The following COL26A1 variants were observed in gnomAD, a reference collection of about 807,000 sequenced individuals.
COL26A1 encodes collagen type XXVI alpha 1 chain.
Under a neutral mutation model 59.3 loss-of-function variants are expected in COL26A1, and 41 were observed. The observed-to-expected ratio is 0.69, with a 90% confidence interval of 0.54 to 0.90. COL26A1 has a LOEUF of 0.90. COL26A1 is among the 40% of genes least tolerant of loss of function. The pLI, the probability that COL26A1 is intolerant of heterozygous loss-of-function variation, is 0.00. For missense variants in COL26A1, 612 were observed against 602.3 expected, an observed-to-expected ratio of 1.02 and a Z score of -0.17; for synonymous variants, 266 against 256.0, an observed-to-expected ratio of 1.04 and a Z score of -0.37.
intron 2 of COL26A1, among the ~76,000 whole-genome samples, chr7:101,433,767 C>T (rs1438500842): frequency 6.6e-6 from 1 of 152,024 alleles, no homozygotes; most frequent in Non-Finnish European, 1.5e-5. Flanking sequence ...GAGGGAAGGC[C>T]ACAGCAGGGG....
chr7:101,397,414 TTCTTTCTTTTC>T (rs1291491206), intron 1 of COL26A1, among the ~76,000 whole-genome samples: 1 of 151,540 alleles, frequency 6.6e-6, no homozygotes, highest in Non-Finnish European at 1.5e-5. Context: ...CTTTTTTCTC[TTCTTTCTTTTC>T]TCTTTCTTTA....
intron 2 of COL26A1, among the ~76,000 whole-genome samples, chr7:101,428,216 G>A (rs1431549647): frequency 6.6e-6 from 1 of 151,858 alleles, no homozygotes; most frequent in African/African-American, 2.4e-5. Context: ...AATTAGCTGG[G>A]TGTGGTGGTG....
chr7:101,366,243 G>C (rs1392530233), intron 1 of COL26A1, among the ~76,000 whole-genome samples: 1 of 149,430 alleles, frequency 6.7e-6, no homozygotes, highest in Non-Finnish European at 1.5e-5. Flanking sequence ...GAGCTGGCTT[G>C]GGCGTCACAT....
Position 101,545,436 on chromosome 7 carries a change from C to G in COL26A1, c.802C>G (p.Pro268Ala), listed in dbSNP as rs760259386. Residue 268 changes from proline to alanine, a missense_variant, in exon 7 of 13, where the codon CCA becomes GCA. Physicochemically the swap from Pro to Ala is conservative, Grantham distance 27 (BLOSUM62 -1). Coordinates refer to ENST00000313669, the MANE Select transcript of COL26A1 (RefSeq NM_001278563.3). ...CCCAGCAGGCAACCCAGGCCCCTCACCAAACAGCCCCCAGGGCGCCCTCTA... is the reference window on the plus strand; with the variant it reads ...CCCAGCAGGCAACCCAGGCCCCTCAGCAAACAGCCCCCAGGGCGCCCTCTA... ...PGPAGNPGPS[P>A]NSPQGALYSL... is the part of the protein sequence containing the mutation. 30 of 1,608,334 alleles carry G rather than the reference C, an allele frequency of 1.9e-5. No homozygotes were observed. The South Asian group carries it at 3.2e-4, about 17-fold the overall frequency.
intron 3 of COL26A1, among the ~76,000 whole-genome samples, chr7:101,448,987 G>A (rs921276960): frequency 1.3e-5 from 2 of 152,252 alleles, no homozygotes; most frequent in Non-Finnish European, 2.9e-5. Flanking sequence ...TCTGACAATT[G>A]CTTCAGGGGG....
At position 101,555,838 on chromosome 7, in the gene COL26A1, G is replaced by A. The variant is rs1795963023; in HGVS notation, c.1132G>A (p.Val378Ile). The change falls in exon 12 of 13, where the codon GTC becomes ATC. Residue 378 changes from valine (V) to isoleucine (I), a missense_variant. By Grantham distance (29) the Val-to-Ile change is conservative (BLOSUM62 3). Transcript: ENST00000313669. ...REALKILAER[V>I]LILEHMIGIH... ...GGCCCTGAAGATCCTGGCAGAGCGAGTCCTCATCCTGGAGCACATGATTGG... is the reference window on the plus strand; with the variant it reads ...GGCCCTGAAGATCCTGGCAGAGCGAATCCTCATCCTGGAGCACATGATTGG... 2.5e-6 allele frequency: 4 copies of A among 1,611,910 alleles called. No individual in the cohort carries two copies. Among genetic ancestry groups the A allele is most frequent in the Non-Finnish European group, 3.4e-6 (4 of 1,179,310 alleles).
chr7:101,540,538 A>G (rs766655533), intron 5 of COL26A1, among the ~76,000 whole-genome samples: 1 of 61,580 alleles, frequency 1.6e-5, no homozygotes, highest in Non-Finnish European at 3.6e-5. Flanking sequence ...AATTCCGTCT[A>G]AAAAAAAAAA....
At chr7:101,429,562 T>G (rs907288036) in intron 2 of COL26A1, among the ~76,000 whole-genome samples, 1 of 150,704 alleles carries the variant, frequency 6.6e-6, no homozygotes, top group Non-Finnish European at 1.5e-5. Context: ...TCTTCTCACT[T>G]TATTCTTTTT....
Position 101,539,931 on chromosome 7 carries a change from G to T in COL26A1, c.486G>T (p.Pro162=). 1 of 1,613,376 alleles carries T rather than the reference G, an allele frequency of 6.2e-7. No homozygotes were observed. The highest frequency in any genetic ancestry group is 8.5e-7 in the Non-Finnish European group (1 of 1,179,734). Reference sequence around the variant, plus strand: ...AAGCAGCAGAACGGCCCTCCAGCCCGGACAACGACCTGCCAGCCCCCGAGA... The same window carrying T: ...AAGCAGCAGAACGGCCCTCCAGCCCTGACAACGACCTGCCAGCCCCCGAGA... ...LLEAAERPSS[P]DNDLPAPEST... Residue 162 remains proline (P), a synonymous_variant, in exon 5 of 13, where the codon CCG becomes CCT. Coordinates refer to ENST00000313669, the MANE Select transcript of COL26A1 (RefSeq NM_001278563.3).
At chr7:101,447,547 C>G in intron 2 of COL26A1, 137 bp from the exon 3 acceptor site, 2 of 616,172 alleles carry the variant, frequency 3.2e-6, no homozygotes, top group Non-Finnish European at 5.9e-6. Flanking sequence ...GAACACGGAC[C>G]CCGGCAGTGG....
chr7:101,423,918 A>G (rs1421703235), intron 2 of COL26A1, among the ~76,000 whole-genome samples: 2 of 152,060 alleles, frequency 1.3e-5, no homozygotes, highest in African/African-American at 2.4e-5. Flanking sequence ...AATTAAAACA[A>G]TTTGGCCAGT....
chr7:101,495,504 G>C (rs931950667), intron 3 of COL26A1, among the ~76,000 whole-genome samples: 2 of 151,844 alleles, frequency 1.3e-5, no homozygotes, highest in Non-Finnish European at 2.9e-5. Flanking sequence ...CGCCTCCCAG[G>C]TTCACGCCAT....
intron 1 of COL26A1, among the ~76,000 whole-genome samples, chr7:101,382,513 ACTGAACTCTATCTGGTCTGGTGCC>A (rs1791471960): frequency 6.6e-6 from 1 of 152,162 alleles, no homozygotes; most frequent in African/African-American, 2.4e-5. Context: ...CTTATTTTCT[ACTGAACTCTATCTGGTCTGGTGCC>A]AAAACCACAG....
At chr7:101,471,567 G>GTTGTTTTTTTTTTTT (rs1485332913) in intron 3 of COL26A1, among the ~76,000 whole-genome samples, 5 of 112,414 alleles carry the variant, frequency 4.4e-5, no homozygotes, top group African/African-American at 1.4e-4. Flanking sequence ...TGTTGTTGTT[G>GTTGTTTTTTTTTTTT]TTTGTTTTTT....
chr7:101,368,623 TTG>T (rs889702636), intron 1 of COL26A1, among the ~76,000 whole-genome samples: 3 of 151,900 alleles, frequency 2.0e-5, no homozygotes, highest in Non-Finnish European at 1.5e-5. Flanking sequence ...GGTTGTTGGG[TTG>T]TTGCCATGGA....
At chr7:101,405,122 C>T (rs1042078871) in intron 1 of COL26A1, among the ~76,000 whole-genome samples, 1 of 148,376 alleles carries the variant, frequency 6.7e-6, no homozygotes, top group African/African-American at 2.5e-5. Flanking sequence ...CTCAGGAGAC[C>T]GAGGCAGGAG....
At chr7:101,405,067 C>G (rs563799228) in intron 1 of COL26A1, among the ~76,000 whole-genome samples, 1 of 151,824 alleles carries the variant, frequency 6.6e-6, no homozygotes, top group Non-Finnish European at 1.5e-5. Flanking sequence ...ACTAAAAATA[C>G]AAAAATTAGC....
In COL26A1 at chr7:101,514,230, C is replaced by T. The variant is rs140785121; in HGVS notation, c.386-18852C>T. On this transcript the variant is annotated intron_variant, in intron 3 of 12. Coordinates refer to ENST00000313669, the MANE Select transcript of COL26A1 (RefSeq NM_001278563.3). Reference sequence around the variant, plus strand: ...GCGGGTGCCTGTAGTCCCAGCTACTCGGGAAGTTGAGGCAGGAGAATTGCT... The same window carrying T: ...GCGGGTGCCTGTAGTCCCAGCTACTTGGGAAGTTGAGGCAGGAGAATTGCT... Among the ~76,000 whole-genome samples, 580 of 151,808 alleles carry T rather than the reference C, an allele frequency of 3.8e-3. 4 individuals are homozygous for T. The highest frequency in any genetic ancestry group is 6.1e-3 in the Non-Finnish European group (413 of 67,938).
intron 3 of COL26A1, among the ~76,000 whole-genome samples, chr7:101,486,878 C>A (rs2130508606): frequency 6.6e-6 from 1 of 152,332 alleles, no homozygotes; most frequent in Admixed American, 6.5e-5. Flanking sequence ...ACGATGAATT[C>A]TAAAGCCTTC....
Sources: gnomAD v4.1 joint callset for allele counts (sites outside exome capture counted in the v4.1 genomes callset) on GRCh38, gnomAD v4.1.1 for gene constraint, MANE v1.5 for transcripts, NCBI Gene and HGNC (gene_info 2026-07-23, HGNC 2026-07-21) for gene names.